FLNC: variants seen among roughly 807,000 people sequenced by gnomAD.
FLNC encodes filamin C, also known as filamin-C.
Under a neutral mutation model 254.3 loss-of-function variants are expected in FLNC, and 91 were observed. The observed-to-expected ratio is 0.36, with a 90% CI of 0.30 to 0.43. The LOEUF is 0.43. Ranked by LOEUF, FLNC falls within the 20% of genes least tolerant of loss-of-function variation. The pLI, the probability that FLNC is intolerant of heterozygous loss-of-function variation, is 1.00. For missense variants in FLNC, 2,853 were observed against 3,802.6 expected (o/e 0.75, Z 6.57); for synonymous variants, 1,430 against 1,577.2 (o/e 0.91, Z 2.21).
intron 39 of FLNC, 36 bp from the exon 40 acceptor site, chr7:128,853,938 C>A: frequency 1.2e-6 from 2 of 1,613,262 alleles, no homozygotes; most frequent in African/African-American, 1.3e-5. Context: ...TCACCCCTCG[C>A]TTCCCTCCCT....
At chr7:128,845,602 C>T (rs1454838032) in intron 21 of FLNC, among the ~76,000 whole-genome samples, 2 of 152,102 alleles carry the variant, frequency 1.3e-5, no homozygotes, top group Non-Finnish European at 2.9e-5. Flanking sequence ...TAGAGGATGA[C>T]AAGAGTCAGA....
rs1554398094 is a variant in FLNC, at chr7:128,840,128, G to A, written c.1517G>A (p.Ser506Asn). The stretch of plus-strand genomic sequence containing the variant: ...AAGGTGTTTACCAAGGGTGCCGGCA[G>A]CGGGGAGCTCAAGGTCACGGTCAAG... ...DFKVFTKGAG[S>N]GELKVTVKGP... Residue 506 changes from serine to asparagine, a missense_variant, in exon 9 of 48, where the codon AGC becomes AAC. Transcript: ENST00000325888. The A allele has an allele frequency of 5.6e-6, 9 of 1,614,090 alleles. No homozygotes were observed. Among genetic ancestry groups the A allele is most frequent in the East Asian group, 2.2e-5 (1 of 44,878 alleles).
rs1181451730 is a variant in FLNC at position 128,841,012 on chromosome 7, G to A, written c.1813+42G>A. 2 of 1,569,408 alleles carry A rather than the reference G, an allele frequency of 1.3e-6. No homozygotes were observed. Among genetic ancestry groups the A allele is most frequent in the South Asian group, 2.3e-5 (2 of 87,824 alleles). On this transcript the variant is annotated intron_variant, in intron 11 of 47. Transcript: ENST00000325888. This position sits in a 1 kb window ranked among gnomAD's most constrained non-coding sequence, Gnocchi z 4.3. Reference sequence around the variant, plus strand: ...CAGGAGGAGGGAGTGCTGCGGGGGAGGGCAGCAGGGGACACTGTGGGTAAT... The same window carrying A: ...CAGGAGGAGGGAGTGCTGCGGGGGAAGGCAGCAGGGGACACTGTGGGTAAT...
In FLNC at chr7:128,845,233, A is replaced by G; in HGVS notation, c.3768A>G (p.Ser1256=). ...TCGATACCAGTGGCGTCAAGGTCTCAGGGCCTGGTGTTGAGCCACACGGTG... is the reference window on the plus strand; with the variant it reads ...TCGATACCAGTGGCGTCAAGGTCTCGGGGCCTGGTGTTGAGCCACACGGTG... The part of the protein sequence containing the change: ...PAVDTSGVKV[S]GPGVEPHGVL... Residue 1256 remains serine (S), a synonymous_variant, in exon 21 of 48, where the codon TCA becomes TCG. Coordinates refer to ENST00000325888, the MANE Select transcript of FLNC (RefSeq NM_001458.5). 1 of 1,613,630 alleles carries G rather than the reference A, an allele frequency of 6.2e-7. No homozygotes were observed. Among genetic ancestry groups the G allele is most frequent in the Non-Finnish European group, 8.5e-7 (1 of 1,179,944 alleles).
chr7:128,846,682 C>A, intron 23 of FLNC, 63 bp from the exon 24 acceptor site: 1 of 1,542,156 alleles, frequency 6.5e-7, no homozygotes, highest in Non-Finnish European at 8.9e-7. Flanking sequence ...TCCCCCCATT[C>A]AGCTACTCCC....
chr7:128,840,735 C>G (rs2128935074), intron 10 of FLNC, 61 bp downstream of exon 10: 1 of 1,594,932 alleles, frequency 6.3e-7, no homozygotes, highest in African/African-American at 1.3e-5. Context: ...GGACGAGGGG[C>G]ACTGGGCTGC....
chr7:128,853,066 G>T, intron 37 of FLNC, 35 bp downstream of exon 37: 1 of 1,597,338 alleles, frequency 6.3e-7, no homozygotes, highest in Non-Finnish European at 8.6e-7. Flanking sequence ...CATTCCAGCG[G>T]GTGCCTCCCA....
chr7:128,839,934 A>AG, intron 8 of FLNC, 89 bp from the exon 9 acceptor site: 1 of 1,523,736 alleles, frequency 6.6e-7, no homozygotes, highest in Non-Finnish European at 9.0e-7. Flanking sequence ...TGTGCCTGGG[A>AG]GGGGTTAGAA....
chr7:128,842,602 G>C lies in FLNC; in HGVS notation c.2293G>C (p.Glu765Gln). The change falls in exon 15 of 48, where the codon GAG becomes CAG. Residue 765 changes from glutamate (E) to glutamine (Q), a missense_variant. Glu to Gln is a conservative substitution (Grantham distance 29). Around this residue, in one of 10 missense-constraint regions of FLNC, gnomAD observed 1,573 missense variants for 1,883.5 expected, o/e 0.84. Coordinates refer to ENST00000325888, the MANE Select transcript of FLNC (RefSeq NM_001458.5). This position sits in a 1 kb window ranked among gnomAD's most constrained non-coding sequence, Gnocchi z 5.4. The part of the protein sequence containing the change: ...RVNVGEGSHP[E>Q]RVKVYGPGVE... Reference sequence around the variant, plus strand: ...GAACGTGGGCGAGGGCAGCCACCCCGAGCGGGTAAAGGTGTACGGCCCCGG... The same window carrying C: ...GAACGTGGGCGAGGGCAGCCACCCCCAGCGGGTAAAGGTGTACGGCCCCGG... The C allele has an allele frequency of 1.9e-6, 3 of 1,549,812 alleles. No homozygotes were observed. Among genetic ancestry groups the C allele is most frequent in the Non-Finnish European group, 2.6e-6 (3 of 1,147,024 alleles).
rs200295337 is a variant in FLNC at position 128,856,846 on chromosome 7, G to T, written c.7486G>T (p.Val2496Phe). ...CCCTGGAAGTCCCTTCAAGATCCGC[G>T]TTGGGGAGCAGAGCCAGGCTGGGGA... ...HIPGSPFKIR[V>F]GEQSQAGDPG... The change falls in exon 45 of 48, where the codon GTT (valine) becomes TTT (phenylalanine). Residue 2496 changes from valine (V) to phenylalanine (F), a missense_variant. This residue lies in a region of FLNC where 197 missense variants were observed against 351.5 expected (regional missense o/e 0.56). Coordinates refer to ENST00000325888, the MANE Select transcript of FLNC (RefSeq NM_001458.5). This position sits in a 1 kb window ranked among gnomAD's most constrained non-coding sequence, Gnocchi z 5.9. 6 of 1,614,212 alleles carry T rather than the reference G, an allele frequency of 3.7e-6. No homozygotes were observed. Among genetic ancestry groups the T allele is most frequent in the Middle Eastern group, 1.6e-4 (1 of 6,062 alleles).
Position 128,835,251 on chromosome 7 carries a change from G to T in FLNC, c.353-75G>T. The T allele has an allele frequency of 1.2e-6, 2 of 1,604,128 alleles. No individual in the cohort carries two copies. The highest frequency in any genetic ancestry group is 1.7e-6 in the Non-Finnish European group (2 of 1,174,438). ...CCAGAGCTCTGGCCCGAGGAGCTGC[G>T]CAGGTGAGGGAGGGTGCTCTGGGGC... is the stretch of plus-strand genomic sequence containing the variant. On this transcript the variant is annotated intron_variant, in intron 1 of 47. Transcript: ENST00000325888. This position sits in a 1 kb window ranked among gnomAD's most constrained non-coding sequence, Gnocchi z 5.3.
intron 25 of FLNC, 32 bp downstream of exon 25, chr7:128,847,896 G>A (rs1426800297): frequency 6.2e-7 from 1 of 1,613,734 alleles, no homozygotes; most frequent in African/African-American, 1.3e-5. Context: ...GAGGAGGGAG[G>A]TGGGGCGGGA....
In FLNC at chr7:128,859,163, CT is replaced by C; in HGVS notation, c.*646del. The C allele has an allele frequency of 6.5e-6, 1 of 154,188 alleles. No homozygotes were observed. The highest frequency in any genetic ancestry group is 1.4e-5 in the Non-Finnish European group (1 of 69,110). The allele number at this position is 154,188 out of a possible 1,614,324, so 9.6% of individuals were successfully genotyped here. ...TGCACGGCTCTGCCCCATGGGGGGC[CT>C]TTTTTACACACTGCGAGGCCCAGCT... On this transcript the variant is annotated 3_prime_UTR_variant, in exon 48 of 48. Coordinates refer to ENST00000325888, the MANE Select transcript of FLNC (RefSeq NM_001458.5).
At position 128,845,998 on chromosome 7, in the gene FLNC, C is replaced by A; in HGVS notation, c.3799C>A (p.Arg1267=). The A allele has an allele frequency of 6.2e-7, 1 of 1,613,672 alleles. No individual in the cohort carries two copies. Among genetic ancestry groups the A allele is most frequent in the South Asian group, 1.1e-5 (1 of 91,076 alleles). The change falls in exon 22 of 48, where the codon CGG becomes AGG. Residue 1267 remains arginine (R), a synonymous_variant. Coordinates refer to ENST00000325888, the MANE Select transcript of FLNC (RefSeq NM_001458.5). ...CCACCCCTGGGCTCCAGGTGTCCTG[C>A]GGGAGGTGACCACTGAGTTCACTGT... ...GPGVEPHGVL[R]EVTTEFTVDA... is the part of the protein sequence containing the mutation.
Position 128,830,900 on chromosome 7 carries a change from C to G in FLNC, c.263C>G (p.Pro88Arg). ...AAGCGCATGTACCGCAAGTTCCATC[C>G]GCGCCCCAACTTCCGCCAAATGAAG... is the stretch of plus-strand genomic sequence containing the variant. ...SQKRMYRKFH[P>R]RPNFRQMKLE... The change falls in exon 1 of 48, where the codon CCG becomes CGG. Residue 88 changes from proline to arginine, a missense_variant. Pro to Arg is a moderately radical substitution (Grantham distance 103). Around this residue, in one of 10 missense-constraint regions of FLNC, gnomAD observed 59 missense variants for 59.8 expected, o/e 0.99. Transcript: ENST00000325888. 1 of 1,613,186 alleles carries G rather than the reference C, an allele frequency of 6.2e-7. No homozygotes were observed. The highest frequency in any genetic ancestry group is 8.5e-7 in the Non-Finnish European group (1 of 1,179,966).
rs899226866 is a variant in FLNC, at chr7:128,856,042, G to T, written c.7252-476G>T. Among the ~76,000 whole-genome samples the T allele has an allele frequency of 2.6e-5, 4 of 152,120 alleles. No homozygotes were observed. The highest frequency in any genetic ancestry group is 5.9e-5 in the Non-Finnish European group (4 of 68,020). ...CATCTCCTCCTCCCACTCCTGAACT[G>T]GGCTCCCCGATGCAGGCTCCAATCC... On this transcript the variant is annotated intron_variant, in intron 43 of 47. Coordinates refer to ENST00000325888, the MANE Select transcript of FLNC (RefSeq NM_001458.5). This position sits in a 1 kb window ranked among gnomAD's most constrained non-coding sequence, Gnocchi z 5.9.
At chr7:128,831,060 G>A (rs1562989101) in intron 1 of FLNC, 71 bp downstream of exon 1, 1 of 1,452,892 alleles carries the variant, frequency 6.9e-7, no homozygotes, top group Non-Finnish European at 9.4e-7. Context: ...GCACAGGTGC[G>A]GGGTGGGCGC....
intron 10 of FLNC, 39 bp from the exon 11 acceptor site, chr7:128,840,795 G>A (rs777650322): frequency 1.9e-6 from 3 of 1,613,274 alleles, no homozygotes; most frequent in African/African-American, 1.3e-5. Flanking sequence ...ACTTTGGGGG[G>A]CACTTCCTGG....
intron 39 of FLNC, 41 bp from the exon 40 acceptor site, chr7:128,853,933 C>A: frequency 6.2e-7 from 1 of 1,613,218 alleles, no homozygotes; most frequent in Non-Finnish European, 8.5e-7. Context: ...CTTCCTCACC[C>A]CTCGCTTCCC....
Sources: gnomAD v4.1 joint callset for allele counts (sites outside exome capture counted in the v4.1 genomes callset) on GRCh38, gnomAD v4.1.1 for gene constraint, gnomAD v4.1.1 regional missense constraint, Gnocchi (gnomAD v3.1) non-coding constraint, MANE v1.5 for transcripts, NCBI Gene and HGNC (gene_info 2026-07-23, HGNC 2026-07-21) for gene names.